Variants in P3H2 observed in about 807,000 individuals in gnomAD.
P3H2 encodes the protein prolyl 3-hydroxylase 2.
A neutral mutation model predicts 87.0 loss-of-function variants in P3H2; 80 were observed. The observed-to-expected ratio is 0.92, with a 90% CI of 0.77 to 1.11. P3H2 has a LOEUF of 1.11. P3H2 is among the 50% of genes least tolerant of loss of function. The pLI, the probability that P3H2 is intolerant of heterozygous loss-of-function variation, is 0.00. For synonymous variants in P3H2, 367 were observed against 359.3 expected (o/e 1.02, Z -0.24); for missense variants, 1,001 against 923.9 (o/e 1.08, Z -1.08).
intron 1 of P3H2, among the ~76,000 whole-genome samples, chr3:190,004,125 T>C (rs1313958002): frequency 6.6e-6 from 1 of 152,176 alleles, no homozygotes. Flanking sequence ...TCTGTATTGG[T>C]GAGCACAATC....
intron 13 of P3H2, among the ~76,000 whole-genome samples, chr3:189,970,568 T>C (rs1723148203): frequency 6.6e-6 from 1 of 151,954 alleles, no homozygotes; most frequent in South Asian, 2.1e-4. Flanking sequence ...AGTCTAACAC[T>C]AACTAGCTAT....
chr3:190,095,871 G>A (rs1381569132), intron 1 of P3H2, among the ~76,000 whole-genome samples: 5 of 151,980 alleles, frequency 3.3e-5, no homozygotes, highest in Admixed American at 3.3e-4. Flanking sequence ...CAAAGTGCTG[G>A]GATTACAGGC....
intron 1 of P3H2, among the ~76,000 whole-genome samples, chr3:190,011,659 C>T (rs1019829551): frequency 3.9e-5 from 6 of 152,118 alleles, no homozygotes; most frequent in Non-Finnish European, 8.8e-5. Flanking sequence ...TTAATTTCGT[C>T]AAGCAGATTT....
In P3H2 at chr3:189,957,440, A is replaced by C; in HGVS notation, c.*472T>G. On this transcript the variant is annotated 3_prime_UTR_variant, in exon 15 of 15. Coordinates refer to ENST00000319332, the MANE Select transcript of P3H2 (RefSeq NM_018192.4). ...AAGCTTTTGAATTTGCAGCAACTTAATTGTGTGTGTGTGTGTGTGTGTGTG... is the reference window on the plus strand; with the variant it reads ...AAGCTTTTGAATTTGCAGCAACTTACTTGTGTGTGTGTGTGTGTGTGTGTG... 2 of 274,956 alleles carry C rather than the reference A, an allele frequency of 7.3e-6. No homozygotes were observed. The highest frequency in any genetic ancestry group is 1.2e-5 in the Non-Finnish European group (2 of 165,872). The allele number at this position is 274,956 out of a possible 1,614,324, so 17.0% of individuals were successfully genotyped here. A position where few individuals can be genotyped will look rare whatever the true frequency, so the allele number is the denominator to read the frequency against.
At chr3:190,084,448 A>G (rs1260575247) in intron 1 of P3H2, among the ~76,000 whole-genome samples, 1 of 152,218 alleles carries the variant, frequency 6.6e-6, no homozygotes, top group Non-Finnish European at 1.5e-5. Context: ...TCTCTTGGCC[A>G]GAAGACATAC....
Position 189,957,698 on chromosome 3 carries a change from A to AG in P3H2, c.*213dup. ...ACAACATGGTTAGACCATGTCTCTA[A>AG]GAAGAGAGAGAGAGAGAGAGAGAGA... is the stretch of plus-strand genomic sequence containing the variant. On this transcript the variant is annotated 3_prime_UTR_variant, in exon 15 of 15. Transcript: ENST00000319332. 2.4e-6 allele frequency: 1 copy of AG among 424,140 alleles called. No homozygotes were observed. The highest frequency in any genetic ancestry group is 4.0e-5 in the Admixed American group (1 of 24,802). The allele number at this position is 424,140 out of a possible 1,614,324, so 26.3% of individuals were successfully genotyped here. A position where few individuals can be genotyped will look rare whatever the true frequency, so the allele number is the denominator to read the frequency against.
chr3:189,962,161 C>CTTTTTTTTTTTT lies in P3H2; in HGVS notation c.2034+1785_2034+1796dup, dbSNP rs770628547. Among the ~76,000 whole-genome samples the CTTTTTTTTTTTT allele has an allele frequency of 1.5e-3, 135 of 87,608 alleles. 2 individuals carry two copies. The highest frequency in any genetic ancestry group is 2.6e-3 in the East Asian group (7 of 2,642). 57.5% of individuals were successfully genotyped at this position (87,608 alleles called of 152,430 possible). On this transcript the variant is annotated intron_variant, in intron 14 of 14. Coordinates refer to ENST00000319332, the MANE Select transcript of P3H2 (RefSeq NM_018192.4). ...GCCTTTCTTTCTTTTTCTTCTTCTT[C>CTTTTTTTTTTTT]TTTTTTTTTTTTTTTTTTTTTTTTA...
chr3:190,035,707 G>A (rs1351359206), intron 1 of P3H2, among the ~76,000 whole-genome samples: 1 of 152,112 alleles, frequency 6.6e-6, no homozygotes, highest in Admixed American at 6.5e-5. Flanking sequence ...TGGGAGTATT[G>A]CACTATTGAT....
intron 1 of P3H2, among the ~76,000 whole-genome samples, chr3:190,023,872 T>C (rs563675779): frequency 7.1e-4 from 108 of 152,350 alleles, no homozygotes; most frequent in African/African-American, 1.9e-3. Context: ...ATGTTTTACA[T>C]AGTATTACAA....
chr3:189,994,019 G>A (rs2108923528), intron 3 of P3H2, 75 bp downstream of exon 3: 2 of 1,115,092 alleles, frequency 1.8e-6, no homozygotes, highest in Non-Finnish European at 2.7e-6. Context: ...CTATTTTGCT[G>A]GAATAGTTTT....
chr3:189,998,194 A>G (rs1340949081), intron 1 of P3H2, among the ~76,000 whole-genome samples: 1 of 152,228 alleles, frequency 6.6e-6, no homozygotes, highest in East Asian at 1.9e-4. Flanking sequence ...ATAAGAGGAT[A>G]GAGTAGGTGC....
chr3:190,039,637 C>T (rs7611261), intron 1 of P3H2, among the ~76,000 whole-genome samples: 31,744 of 152,174 alleles, frequency 0.21, 5,331 homozygotes, highest in African/African-American at 0.46. Flanking sequence ...GCCTTCCAGG[C>T]ATTCAACATC....
intron 1 of P3H2, among the ~76,000 whole-genome samples, chr3:190,032,860 G>A (rs111940004): frequency 5.3e-5 from 8 of 152,252 alleles, no homozygotes; most frequent in African/African-American, 1.7e-4. Context: ...AGGGTAGGGC[G>A]ATGGTGTGAG....
At chr3:190,114,186 A>AT (rs1403696416) in intron 1 of P3H2, among the ~76,000 whole-genome samples, 118 of 132,526 alleles carry the variant, frequency 8.9e-4, no homozygotes, top group South Asian at 7.0e-4. Context: ...AATTATTATT[A>AT]TTATTTTTTT....
intron 1 of P3H2, among the ~76,000 whole-genome samples, chr3:190,113,937 G>T (rs1712172342): frequency 6.6e-6 from 1 of 151,300 alleles, no homozygotes; most frequent in Non-Finnish European, 1.5e-5. Context: ...GAAATTAGCC[G>T]GGCGTGGAGG....
Position 189,957,525 on chromosome 3 carries a change from T to TG in P3H2, c.*386dup. Reference sequence around the variant, plus strand: ...GGGCTTTGATAGATACATGAAATGATGAAAAACCAAGAAAGAGAGCTGGGT... The same window carrying TG: ...GGGCTTTGATAGATACATGAAATGATGGAAAAACCAAGAAAGAGAGCTGGGT... On this transcript the variant is annotated 3_prime_UTR_variant, in exon 15 of 15. Transcript: ENST00000319332. 2.6e-6 allele frequency: 1 copy of TG among 384,228 alleles called. No homozygotes were observed. Among genetic ancestry groups the TG allele is most frequent in the Non-Finnish European group, 4.6e-6 (1 of 215,944 alleles). The allele number at this position is 384,228 out of a possible 1,614,324, so 23.8% of individuals were successfully genotyped here. A position where few individuals can be genotyped will look rare whatever the true frequency, so the allele number is the denominator to read the frequency against.
At chr3:190,058,099 A>C (rs1726215431) in intron 1 of P3H2, among the ~76,000 whole-genome samples, 1 of 152,174 alleles carries the variant, frequency 6.6e-6, no homozygotes, top group Non-Finnish European at 1.5e-5. Context: ...AAGAGCATGG[A>C]AAATCCCAAT....
chr3:189,984,440 T>C, intron 7 of P3H2, 110 bp downstream of exon 7: 1 of 877,246 alleles, frequency 1.1e-6, no homozygotes, highest in South Asian at 1.4e-5. Flanking sequence ...CTTAGAATTA[T>C]TTTATTATAT....
At chr3:190,089,210 G>A (rs1166076089) in intron 1 of P3H2, among the ~76,000 whole-genome samples, 2 of 152,106 alleles carry the variant, frequency 1.3e-5, no homozygotes, top group African/African-American at 2.4e-5. Flanking sequence ...CACACACCGG[G>A]GCCTGTCGTG....
Sources: allele counts gnomAD v4.1 joint callset (sites outside exome capture counted in the v4.1 genomes callset), GRCh38; gene constraint gnomAD v4.1.1; transcripts MANE v1.5; gene names NCBI Gene and HGNC (gene_info 2026-07-23, HGNC 2026-07-21).